ANGEL2: variants seen among roughly 807,000 people sequenced by gnomAD.
The protein encoded by ANGEL2 is angel homolog 2.
In ANGEL2, 41 loss-of-function variants were observed where a neutral mutation model predicts 66.0. The ratio of observed to expected loss-of-function variants is 0.62; its 90% CI spans 0.48 to 0.81. The LOEUF (loss-of-function observed/expected upper bound fraction) is 0.81, where lower values mean the gene tolerates loss of function less well. Ranked by LOEUF, ANGEL2 falls within the 30% of genes least tolerant of loss-of-function variation. The pLI is 0.00. For missense variants in ANGEL2, 561 were observed against 641.6 expected, an observed-to-expected ratio of 0.87 and a Z score of 1.36; for synonymous variants, 208 against 226.5, an observed-to-expected ratio of 0.92 and a Z score of 0.73.
At chr1:213,001,667 C>T (rs184560230) in intron 5 of ANGEL2, 12 of 152,260 alleles carry the variant, frequency 7.9e-5, no homozygotes, top group African/African-American at 1.4e-4. Flanking sequence ...ACTTTATCCA[C>T]GGAACTTTTT....
chr1:213,015,225 C>T (rs368589194), intron 1 of ANGEL2: 2 of 1,064,330 alleles, frequency 1.9e-6, no homozygotes, highest in Non-Finnish European at 2.3e-6. Context: ...CCGAGACCTA[C>T]TGCGGAGAGG....
chr1:212,992,367 C>G lies in ANGEL2; in HGVS notation c.*2674G>C, dbSNP rs940235990. 2 of 152,170 alleles carry G rather than the reference C, an allele frequency of 1.3e-5. No individual in the cohort carries two copies. Among genetic ancestry groups the G allele is most frequent in the Non-Finnish European group, 2.9e-5 (2 of 68,012 alleles). The allele number at this position is 152,170 out of a possible 1,614,324, so 9.4% of individuals were successfully genotyped here. A position where few individuals can be genotyped will look rare whatever the true frequency, so the allele number is the denominator to read the frequency against. ...TCAAACATGAATATTATCTTGATAG[C>G]AAAAGGTACAGTAAAACCAAAATTT... On this transcript the variant is annotated 3_prime_UTR_variant, in exon 9 of 9. Coordinates refer to ENST00000366962, the MANE Select transcript of ANGEL2 (RefSeq NM_144567.5).
intron 1 of ANGEL2, 81 bp from the exon 2 acceptor site, chr1:213,013,499 G>T (rs2076561788): frequency 7.9e-7 from 1 of 1,264,196 alleles, no homozygotes; most frequent in African/African-American, 1.5e-5. Flanking sequence ...TTTCCTCAAG[G>T]GAAGGTAATG....
rs2075916450 is a variant in ANGEL2 at position 212,993,567 on chromosome 1, A to T, written c.*1474T>A. 6.6e-6 allele frequency: 1 copy of T among 152,242 alleles called. No individual in the cohort carries two copies. Among genetic ancestry groups the T allele is most frequent in the Non-Finnish European group, 1.5e-5 (1 of 68,040 alleles). 9.4% of individuals were successfully genotyped at this position (152,242 alleles called of 1,614,324 possible). On this transcript the variant is annotated 3_prime_UTR_variant, in exon 9 of 9. Transcript: ENST00000366962. ...ATTTACAATTCAGTGTAAAATTACT[A>T]CTTAGTAAAAATGCATATAATTCCT...
At chr1:213,012,496 CTG>C (rs1176670539) in intron 2 of ANGEL2, among the ~76,000 whole-genome samples, 2 of 152,166 alleles carry the variant, frequency 1.3e-5, no homozygotes, top group Non-Finnish European at 2.9e-5. Flanking sequence ...TTTTAAAAAA[CTG>C]TTTCTCAAAG....
intron 2 of ANGEL2, chr1:213,011,432 G>A (rs1455348662): frequency 5.3e-6 from 6 of 1,127,822 alleles, no homozygotes; most frequent in African/African-American, 3.3e-5. Flanking sequence ...ATGGCTTAAC[G>A]AAGAGCATTT....
intron 8 of ANGEL2, among the ~76,000 whole-genome samples, chr1:212,996,636 AAAAAATATATATATAT>A (rs1306720996): frequency 9.5e-5 from 4 of 41,950 alleles, no homozygotes; most frequent in East Asian, 1.3e-3. Context: ...AAAAAAAAAA[AAAAAATATATATATAT>A]ATATATATAT....
intron 2 of ANGEL2, 37 bp downstream of exon 2, chr1:213,013,056 G>T: frequency 6.3e-7 from 1 of 1,576,824 alleles, no homozygotes. Context: ...TCTATCACTT[G>T]TATCTATTTC....
At chr1:213,007,870 T>C (rs2076381587) in intron 3 of ANGEL2, among the ~76,000 whole-genome samples, 1 of 151,846 alleles carries the variant, frequency 6.6e-6, no homozygotes, top group South Asian at 2.1e-4. Context: ...TCTTTCTTTT[T>C]TTTTTTTTTT....
intron 8 of ANGEL2, among the ~76,000 whole-genome samples, chr1:212,996,660 T>C (rs1274482014): frequency 7.4e-6 from 1 of 134,694 alleles, no homozygotes; most frequent in East Asian, 2.1e-4. Context: ...TATATATATA[T>C]ATATATATAT....
intron 5 of ANGEL2, among the ~76,000 whole-genome samples, chr1:213,003,226 T>C (rs895589074): frequency 1.3e-5 from 2 of 152,238 alleles, no homozygotes; most frequent in Non-Finnish European, 2.9e-5. Context: ...TCCAGACCAC[T>C]CAAGCTTTCT....
At chr1:213,007,023 G>T in intron 4 of ANGEL2, 106 bp downstream of exon 4, 1 of 1,059,560 alleles carries the variant, frequency 9.4e-7, no homozygotes, top group East Asian at 2.5e-5. Context: ...GAGCCCAGTA[G>T]GTTGAGGCTG....
chr1:213,015,541 T>TG, intron 1 of ANGEL2, 72 bp downstream of exon 1: 1 of 1,472,070 alleles, frequency 6.8e-7, no homozygotes, highest in Non-Finnish European at 9.1e-7. Flanking sequence ...CCCGGGTTAG[T>TG]CCCGGACGCC....
intron 2 of ANGEL2, among the ~76,000 whole-genome samples, chr1:213,012,697 A>G (rs893400273): frequency 1.4e-4 from 21 of 152,252 alleles, no homozygotes; most frequent in Non-Finnish European, 2.1e-4. Context: ...TTAGCTTAAA[A>G]ATGAAAACAC....
At chr1:213,003,546 G>T (rs1213632553) in intron 5 of ANGEL2, among the ~76,000 whole-genome samples, 1 of 152,302 alleles carries the variant, frequency 6.6e-6, no homozygotes, top group East Asian at 1.9e-4. Flanking sequence ...CAAGTAGGGG[G>T]AGAGAGATGA....
At chr1:213,009,872 G>A (rs886445357) in intron 2 of ANGEL2, among the ~76,000 whole-genome samples, 5 of 151,924 alleles carry the variant, frequency 3.3e-5, no homozygotes, top group East Asian at 1.9e-4. Context: ...CCAACATGGC[G>A]AAACCCTGTC....
chr1:213,014,342 G>A (rs1238240172), intron 1 of ANGEL2, among the ~76,000 whole-genome samples: 1 of 152,152 alleles, frequency 6.6e-6, no homozygotes, highest in Non-Finnish European at 1.5e-5. Flanking sequence ...TTTTGTTTAA[G>A]TTGCGTTTAC....
chr1:213,010,571 C>CA (rs11339532), intron 2 of ANGEL2, among the ~76,000 whole-genome samples: 6,481 of 110,826 alleles, frequency 0.058, 178 homozygotes, highest in Middle Eastern at 0.087. Context: ...GCCTTCGTCT[C>CA]AAAAAAAAAA....
chr1:213,006,748 T>G (rs1264305344), intron 4 of ANGEL2: 1 of 180,878 alleles, frequency 5.5e-6, no homozygotes, highest in Non-Finnish European at 1.1e-5. Context: ...TGAATTAAAA[T>G]TATACACCAA....
Sources: gnomAD v4.1 joint callset for allele counts (sites outside exome capture counted in the v4.1 genomes callset) on GRCh38, gnomAD v4.1.1 for gene constraint, MANE v1.5 for transcripts, NCBI Gene and HGNC (gene_info 2026-07-23, HGNC 2026-07-21) for gene names.